The following C2orf49 variants were observed in gnomAD, a reference collection of about 807,000 sequenced individuals.
C2orf49 encodes the protein tRNA splicing ligase complex subunit 2.
C2orf49 carries 11 observed loss-of-function variants against 20.6 expected under a neutral mutation model. That is an observed-to-expected ratio of 0.53 (90% CI 0.34 to 0.88). The LOEUF (loss-of-function observed/expected upper bound fraction) is 0.88, where lower values mean the gene tolerates loss of function less well. Among genes scored for constraint, C2orf49 ranks in the 40% least tolerant of loss-of-function variants. The pLI, the probability that C2orf49 is intolerant of heterozygous loss-of-function variation, is 0.02. For synonymous variants in C2orf49, 134 were observed against 108.5 expected (o/e 1.24, Z -1.46); for missense variants, 289 against 274.2 (o/e 1.05, Z -0.38).
At chr2:105,352,452 G>GGT (rs1679960296), downstream of C2orf49, among the ~76,000 whole-genome samples, 2 of 68,070 alleles carry the variant, frequency 2.9e-5, no homozygotes, top group Non-Finnish European at 4.9e-5. Flanking sequence ...TTTTTTTTTC[G>GGT]TTTTTTTTTT....
At chr2:105,361,106 G>A in the C2orf49 span, 41 of 551,722 alleles carry the variant, frequency 7.4e-5, no homozygotes, top group Non-Finnish European at 1.1e-4. Context: ...CTCTTTCCCT[G>A]GGACTGAACT....
the C2orf49 span, chr2:105,385,799 G>A: frequency 1.2e-4 from 18 of 153,824 alleles, no homozygotes; most frequent in Admixed American, 3.3e-4. Flanking sequence ...GCTGAACCAC[G>A]CTGTGACATA....
intron 2 of C2orf49, 52 bp downstream of exon 2, chr2:105,339,801 A>G (rs1342581382): frequency 2.8e-6 from 4 of 1,418,412 alleles, no homozygotes; most frequent in Non-Finnish European, 3.7e-6. Context: ...CTAAAGTTAT[A>G]TATAAGTTAT....
rs776690809 is a variant in C2orf49, at chr2:105,337,688, T to C, written c.99+2T>C. On this transcript the variant is annotated splice_donor_variant, in intron 1 of 3. Coordinates refer to ENST00000258457, the MANE Select transcript of C2orf49 (RefSeq NM_024093.3). LOFTEE classifies it high-confidence loss of function. ...TTCCTTCTCCTCACTCTGGAGCAGG[T>C]TGGGCGCGCCGGATCGGAGGGTGGG... is the stretch of plus-strand genomic sequence containing the variant. The C allele has an allele frequency of 5.9e-5, 19 of 320,646 alleles. No individual in the cohort carries two copies. Among genetic ancestry groups the C allele is most frequent in the Non-Finnish European group, 9.0e-5 (19 of 211,916 alleles). The allele number at this position is 320,646 out of a possible 1,614,324, so 19.9% of individuals were successfully genotyped here.
chr2:105,369,927 C>T, the C2orf49 span, among the ~76,000 whole-genome samples: 2 of 152,188 alleles, frequency 1.3e-5, no homozygotes, highest in African/African-American at 4.8e-5. Context: ...TCAGGCATGG[C>T]GACAGCAGTG....
chr2:105,374,866 G>T, the C2orf49 span, among the ~76,000 whole-genome samples: 1 of 152,158 alleles, frequency 6.6e-6, no homozygotes, highest in South Asian at 2.1e-4. Context: ...TATACATGAG[G>T]CAGAAACAGA....
chr2:105,342,735 G>A, intron 2 of C2orf49, 113 bp from the exon 3 acceptor site: 1 of 1,054,804 alleles, frequency 9.5e-7, no homozygotes, highest in South Asian at 1.8e-5. Context: ...AATAGTCTCA[G>A]ATTAGTCTTA....
chr2:105,368,788 A>T, the C2orf49 span, among the ~76,000 whole-genome samples: 1 of 152,234 alleles, frequency 6.6e-6, no homozygotes, highest in East Asian at 1.9e-4. Context: ...AGTACCCTTC[A>T]TATAAAGCAA....
chr2:105,339,536 A>G (rs1392466843), intron 1 of C2orf49, 47 bp from the exon 2 acceptor site: 1 of 1,556,682 alleles, frequency 6.4e-7, no homozygotes, highest in Admixed American at 2.3e-5. Context: ...TTACTTGTTA[A>G]AATTAAAAAC....
the C2orf49 span, among the ~76,000 whole-genome samples, chr2:105,370,082 A>G: frequency 3.9e-5 from 6 of 152,206 alleles, no homozygotes; most frequent in Non-Finnish European, 8.8e-5. Context: ...TGATTCAAAT[A>G]GTCAAATGAG....
At chr2:105,341,578 C>T (rs1679671094) in intron 2 of C2orf49, among the ~76,000 whole-genome samples, 2 of 152,348 alleles carry the variant, frequency 1.3e-5, no homozygotes, top group Middle Eastern at 3.4e-3. Context: ...CTCTCAGTCC[C>T]TGTTTCCCTT....
chr2:105,385,425 C>T, the C2orf49 span, among the ~76,000 whole-genome samples: 3 of 152,152 alleles, frequency 2.0e-5, no homozygotes, highest in Admixed American at 2.0e-4. Flanking sequence ...CTGATATTAA[C>T]GACCAGGGAG....
chr2:105,374,797 G>T, the C2orf49 span, among the ~76,000 whole-genome samples: 1 of 152,146 alleles, frequency 6.6e-6, no homozygotes, highest in Non-Finnish European at 1.5e-5. Context: ...ATCTTAGAAA[G>T]GATATGTTTC....
the C2orf49 span, chr2:105,361,303 C>T: frequency 1.3e-5 from 21 of 1,613,538 alleles, no homozygotes; most frequent in African/African-American, 1.7e-4. Flanking sequence ...TTCCCACAGT[C>T]GGGGCACAGG....
At chr2:105,355,770 T>TGTGTGTGTGTGTGTGTG in the C2orf49 span, among the ~76,000 whole-genome samples, 30 of 143,200 alleles carry the variant, frequency 2.1e-4, no homozygotes, top group Non-Finnish European at 4.2e-4. Context: ...AGAAAAAATT[T>TGTGTGTGTGTGTGTGTG]TGTGTGTGTG....
chr2:105,365,308 CAGCATCAG>C, the C2orf49 span, among the ~76,000 whole-genome samples: 2,430 of 152,276 alleles, frequency 0.016, 17 homozygotes, highest in Middle Eastern at 0.034. Flanking sequence ...GCATCTTGTC[CAGCATCAG>C]ATCCCCAGTG....
rs1679837551 is a variant in C2orf49 at position 105,347,239 on chromosome 2, G to A, written c.*1868G>A. ...TATCTGCAGGGCTGACAGACATAATGTTGGTGGGCAACTGTGATCCTATAC... is the reference window on the plus strand; with the variant it reads ...TATCTGCAGGGCTGACAGACATAATATTGGTGGGCAACTGTGATCCTATAC... On this transcript the variant is annotated 3_prime_UTR_variant, in exon 4 of 4. Transcript: ENST00000258457. 1 of 152,194 alleles carries A rather than the reference G, an allele frequency of 6.6e-6. No homozygotes were observed. Among genetic ancestry groups the A allele is most frequent in the South Asian group, 2.1e-4 (1 of 4,832 alleles). The allele number at this position is 152,194 out of a possible 1,614,324, so 9.4% of individuals were successfully genotyped here. A position where few individuals can be genotyped will look rare whatever the true frequency, so the allele number is the denominator to read the frequency against.
rs201450516 is a variant in C2orf49, at chr2:105,337,545, C to A, written c.-43C>A. 6 of 1,612,080 alleles carry A rather than the reference C, an allele frequency of 3.7e-6. No homozygotes were observed. The Admixed American group carries it at 6.7e-5, about 18-fold the overall frequency. On this transcript the variant is annotated 5_prime_UTR_variant, in exon 1 of 4. Transcript: ENST00000258457. The stretch of plus-strand genomic sequence containing the variant: ...CGTCACTTCCGCAACGCTTCCTTCG[C>A]GGGGCTTTGTGGGTAGCCGACTGGG...
In C2orf49 at chr2:105,346,721, T is replaced by A. The variant is rs1679822013; in HGVS notation, c.*1350T>A. On this transcript the variant is annotated 3_prime_UTR_variant, in exon 4 of 4. Transcript: ENST00000258457. ...TAGGAAGATGGACTCCTAGCTTACA[T>A]GAGATTCCCTGCAGCTGTAATATAG... The A allele has an allele frequency of 6.6e-6, 1 of 152,094 alleles. No homozygotes were observed. The highest frequency in any genetic ancestry group is 1.5e-5 in the Non-Finnish European group (1 of 68,000). 9.4% of individuals were successfully genotyped at this position (152,094 alleles called of 1,614,324 possible).
Sources: gnomAD v4.1 joint callset for allele counts (sites outside exome capture counted in the v4.1 genomes callset) on GRCh38, gnomAD v4.1.1 for gene constraint, MANE v1.5 for transcripts, NCBI Gene and HGNC (gene_info 2026-07-23, HGNC 2026-07-21) for gene names.